The following SIM1 variants were observed in gnomAD, a reference collection of about 807,000 sequenced individuals.
SIM1 encodes single-minded homolog 1.
SIM1 carries 18 observed loss-of-function variants against 78.2 expected under a neutral mutation model. That is an observed-to-expected ratio of 0.23 (90% CI 0.16 to 0.34). The LOEUF is 0.34. Among genes scored for constraint, SIM1 ranks in the 10% least tolerant of loss-of-function variants. The pLI is 1.00. For missense variants in SIM1, 939 were observed against 975.1 expected, an observed-to-expected ratio of 0.96 and a Z score of 0.49; for synonymous variants, 417 against 385.2, an observed-to-expected ratio of 1.08 and a Z score of -0.97.
At chr6:100,444,033 T>G (rs183905897) in intron 9 of SIM1, among the ~76,000 whole-genome samples, 1 of 152,104 alleles carries the variant, frequency 6.6e-6, no homozygotes, top group African/African-American at 2.4e-5. Context: ...TAAAAATACA[T>G]GTAGTCTGAA....
rs1013094261 is a variant in SIM1 at position 100,385,531 on chromosome 6, A to C, written c.*4830T>G. On this transcript the variant is annotated 3_prime_UTR_variant, in exon 12 of 12. Transcript: ENST00000369208. Reference sequence around the variant, plus strand: ...TACATGTGTCCCAGGTCAGCAAATTAGGGCAAATTAACCCCAACCCCATAT... The same window carrying C: ...TACATGTGTCCCAGGTCAGCAAATTCGGGCAAATTAACCCCAACCCCATAT... 5 of 152,038 alleles carry C rather than the reference A, an allele frequency of 3.3e-5. No homozygotes were observed. Among genetic ancestry groups the C allele is most frequent in the Admixed American group, 2.0e-4 (3 of 15,256 alleles). The allele number at this position is 152,038 out of a possible 1,614,324, so 9.4% of individuals were successfully genotyped here.
At chr6:100,410,283 C>G (rs1030857935) in intron 10 of SIM1, among the ~76,000 whole-genome samples, 30 of 152,078 alleles carry the variant, frequency 2.0e-4, no homozygotes, top group African/African-American at 7.0e-4. Flanking sequence ...ATAGTAGATT[C>G]AGCCATTCTC....
chr6:100,446,456 T>C (rs1282983628), intron 9 of SIM1, among the ~76,000 whole-genome samples: 1 of 152,202 alleles, frequency 6.6e-6, no homozygotes, highest in Non-Finnish European at 1.5e-5. Context: ...GAGTTCTTCA[T>C]AAAGGCTTCA....
At chr6:100,410,982 G>C (rs751041276) in intron 10 of SIM1, among the ~76,000 whole-genome samples, 13 of 152,162 alleles carry the variant, frequency 8.5e-5, no homozygotes, top group African/African-American at 3.1e-4. Flanking sequence ...ACAGAAAATA[G>C]TTTAAGATAC....
At chr6:100,457,926 G>A (rs963999955) in intron 2 of SIM1, among the ~76,000 whole-genome samples, 1 of 152,184 alleles carries the variant, frequency 6.6e-6, no homozygotes, top group South Asian at 2.1e-4. Context: ...GAGACACCGC[G>A]GCCGCACCCA....
chr6:100,434,377 A>T (rs2114522271), intron 9 of SIM1, among the ~76,000 whole-genome samples: 1 of 152,304 alleles, frequency 6.6e-6, no homozygotes, highest in South Asian at 2.1e-4. Context: ...TAGTCTCTTA[A>T]CGGCCTATCA....
Position 100,393,550 on chromosome 6 carries a change from G to A in SIM1, c.1507C>T (p.Pro503Ser). 1 of 1,604,858 alleles carries A rather than the reference G, an allele frequency of 6.2e-7. No homozygotes were observed. Among genetic ancestry groups the A allele is most frequent in the Non-Finnish European group, 8.5e-7 (1 of 1,173,374 alleles). ...RAALPLTKAS[P>S]ESREAYENSM... ...TTTTCATAGGCTTCTCTGCTTTCTG[G>A]GGAGGCCTTTGTCAGGGGCAAGGCT... Residue 503 changes from proline to serine, a missense_variant, in exon 11 of 12, where the codon CCA (proline) becomes TCA (serine). Pro to Ser is a moderately conservative substitution (Grantham distance 74). Coordinates refer to ENST00000369208, the MANE Select transcript of SIM1 (RefSeq NM_005068.3).
chr6:100,420,483 T>C (rs1356418090), intron 10 of SIM1, among the ~76,000 whole-genome samples: 1 of 152,214 alleles, frequency 6.6e-6, no homozygotes, highest in East Asian at 1.9e-4. Context: ...GGCTACATCA[T>C]GGTCACTCAC....
At chr6:100,437,578 AG>A (rs1772088872) in intron 9 of SIM1, 2 of 136,328 alleles carry the variant, frequency 1.5e-5, no homozygotes, top group East Asian at 4.9e-4. Context: ...GATGCTAAAA[AG>A]AAAAAAAAAC....
chr6:100,441,434 G>A (rs1482016572), intron 9 of SIM1, among the ~76,000 whole-genome samples: 1 of 152,108 alleles, frequency 6.6e-6, no homozygotes, highest in Non-Finnish European at 1.5e-5. Context: ...CCATGGGGAT[G>A]TACACACACA....
At position 100,438,124 on chromosome 6, in the gene SIM1, A is replaced by T. The variant is rs184247823; in HGVS notation, c.998+9144T>A. Among the ~76,000 whole-genome samples the T allele has an allele frequency of 3.4e-3, 507 of 150,850 alleles. 2 individuals are homozygous for T. Among genetic ancestry groups the T allele is most frequent in the Non-Finnish European group, 5.8e-3 (397 of 67,992 alleles). On this transcript the variant is annotated intron_variant, in intron 9 of 11. Coordinates refer to ENST00000369208, the MANE Select transcript of SIM1 (RefSeq NM_005068.3). ...GAAAATAAATAAATGGGACCTGATT[A>T]AAAAAAAGCTTCTGCGTTGCAAAAG... is the stretch of plus-strand genomic sequence containing the variant.
At chr6:100,453,998 T>G (rs1049554733) in intron 2 of SIM1, among the ~76,000 whole-genome samples, 154 bp from the exon 3 acceptor site, 5 of 152,186 alleles carry the variant, frequency 3.3e-5, no homozygotes, top group African/African-American at 1.2e-4. Flanking sequence ...GATGGGAGCG[T>G]GTACATTTCA....
chr6:100,408,069 G>A (rs1771094905), intron 10 of SIM1, among the ~76,000 whole-genome samples: 1 of 151,962 alleles, frequency 6.6e-6, no homozygotes, highest in South Asian at 2.1e-4. Flanking sequence ...CCTATGTCAA[G>A]GAGCTTTTTC....
At chr6:100,429,484 A>G (rs933488113) in intron 9 of SIM1, among the ~76,000 whole-genome samples, 5 of 152,176 alleles carry the variant, frequency 3.3e-5, no homozygotes, top group African/African-American at 1.2e-4. Flanking sequence ...CTAAATTATG[A>G]TATATCCATG....
intron 10 of SIM1, chr6:100,396,185 G>T: frequency 2.3e-6 from 1 of 426,168 alleles, no homozygotes; most frequent in Non-Finnish European, 3.1e-6. Context: ...GGGGATCCAA[G>T]TGCTATACAT....
intron 2 of SIM1, 131 bp downstream of exon 2, chr6:100,463,163 A>G: frequency 1.3e-6 from 1 of 776,986 alleles, no homozygotes; most frequent in Non-Finnish European, 2.0e-6. Context: ...GAAGCAGCCG[A>G]GCTAAACTTC....
chr6:100,390,358 A>G lies in SIM1; in HGVS notation c.*3T>C, dbSNP rs1447581518. On this transcript the variant is annotated 3_prime_UTR_variant, in exon 12 of 12. Transcript: ENST00000369208. ...TTAAAGAACAAAATATTTCAGCAAA[A>G]CATCAGCTTCCGTTGGTTATTATAA... 2.5e-6 allele frequency: 4 copies of G among 1,608,148 alleles called. No individual in the cohort carries two copies. The Admixed American group carries it at 6.7e-5, about 27-fold the overall frequency.
intron 9 of SIM1, 59 bp from the exon 10 acceptor site, chr6:100,421,017 A>T: frequency 6.5e-7 from 1 of 1,539,390 alleles, no homozygotes; most frequent in Non-Finnish European, 8.8e-7. Context: ...ATTCATGCAT[A>T]CTCTCATCAG....
chr6:100,394,045 C>T, intron 10 of SIM1, 156 bp from the exon 11 acceptor site: 1 of 615,512 alleles, frequency 1.6e-6, no homozygotes, highest in Non-Finnish European at 2.7e-6. Flanking sequence ...GGCATCATGG[C>T]TGTGCACACC....
Sources: gnomAD v4.1 joint callset for allele counts (sites outside exome capture counted in the v4.1 genomes callset) on GRCh38, gnomAD v4.1.1 for gene constraint, MANE v1.5 for transcripts, NCBI Gene and HGNC (gene_info 2026-07-23, HGNC 2026-07-21) for gene names.